The following RPTOR variants were observed in gnomAD, a reference collection of about 807,000 sequenced individuals.
RPTOR encodes the protein regulatory-associated protein of mTOR.
A neutral mutation model predicts 169.9 loss-of-function variants in RPTOR; 21 were observed. That is an observed-to-expected ratio of 0.12 (90% confidence interval 0.09 to 0.18). RPTOR has a LOEUF of 0.18. RPTOR is among the 10% of genes least tolerant of loss of function. RPTOR has a pLI of 1.00. For synonymous variants in RPTOR, 732 were observed against 753.2 expected (o/e 0.97, Z 0.46); for missense variants, 1,133 against 1,855.9 (o/e 0.61, Z 7.16).
rs1056279530 is a variant in RPTOR at position 80,947,495 on chromosome 17, G to A, written c.3265+144G>A. The A allele has an allele frequency of 3.6e-6, 4 of 1,124,758 alleles. No homozygotes were observed. The highest frequency in any genetic ancestry group is 1.6e-5 in the African/African-American group (1 of 61,774). 69.7% of individuals were successfully genotyped at this position (1,124,758 alleles called of 1,614,324 possible). On this transcript the variant is annotated intron_variant, in intron 27 of 33. Transcript: ENST00000306801. This position sits in a 1 kb window ranked among gnomAD's most constrained non-coding sequence, Gnocchi z 4.4. ...AGGGCCACTGTCATTCAGAAGTGGGGAGGTTTATGAGGGAAAGGGCTTCAG... is the reference window on the plus strand; with the variant it reads ...AGGGCCACTGTCATTCAGAAGTGGGAAGGTTTATGAGGGAAAGGGCTTCAG...
chr17:80,904,262 G>A (rs567239614), intron 20 of RPTOR, among the ~76,000 whole-genome samples: 129 of 152,298 alleles, frequency 8.5e-4, no homozygotes, highest in African/African-American at 2.8e-3. Flanking sequence ...GGAAGCCCTC[G>A]GCCTGGGGCA....
chr17:80,821,364 G>T (rs2067376406), intron 7 of RPTOR, among the ~76,000 whole-genome samples: 1 of 152,218 alleles, frequency 6.6e-6, no homozygotes, highest in South Asian at 2.1e-4. Context: ...TCCTGCAGTG[G>T]GAATTGCTGA....
At chr17:80,854,379 C>T (rs561228058) in intron 11 of RPTOR, among the ~76,000 whole-genome samples, 4 of 152,200 alleles carry the variant, frequency 2.6e-5, no homozygotes, top group Non-Finnish European at 4.4e-5. Context: ...AGAGTCACAC[C>T]GCAGTGAGCG....
intron 10 of RPTOR, among the ~76,000 whole-genome samples, chr17:80,838,749 C>T (rs2067593965): frequency 6.6e-6 from 1 of 152,170 alleles, no homozygotes; most frequent in African/African-American, 2.4e-5. Context: ...CCAGCATCCC[C>T]GCCTCCCGTT....
chr17:80,837,043 T>C (rs1222447056), intron 9 of RPTOR, among the ~76,000 whole-genome samples: 1 of 152,030 alleles, frequency 6.6e-6, no homozygotes, highest in Non-Finnish European at 1.5e-5. Flanking sequence ...AGTGCGGCCC[T>C]GAAGGACGGG....
chr17:80,694,881 T>C (rs1216755955), intron 3 of RPTOR, among the ~76,000 whole-genome samples: 2 of 152,168 alleles, frequency 1.3e-5, no homozygotes, highest in Non-Finnish European at 2.9e-5. Context: ...GAGTAACTCA[T>C]GGCCTGTTAG....
intron 4 of RPTOR, among the ~76,000 whole-genome samples, chr17:80,723,040 C>T (rs2066300220): frequency 1.3e-5 from 2 of 151,274 alleles, no homozygotes; most frequent in South Asian, 2.1e-4. Context: ...GATGTGTTCT[C>T]ATGATGAGAT....
Position 80,893,776 on chromosome 17 carries a change from G to T in RPTOR, c.2312G>T (p.Ser771Ile), listed in dbSNP as rs1163896758. Residue 771 changes from serine (S) to isoleucine (I), a missense_variant, in exon 20 of 34, where the codon AGC (serine) becomes ATC (isoleucine). Around this residue, in one of 9 missense-constraint regions of RPTOR, gnomAD observed 150 missense variants for 206.4 expected, o/e 0.73. Transcript: ENST00000306801. Reference sequence around the variant, plus strand: ...AGCAGCGCCAGCAGCACCCTGGGCAGCCCCGAGAATGAGGAGCATATCCTG... The same window carrying T: ...AGCAGCGCCAGCAGCACCCTGGGCATCCCCGAGAATGAGGAGCATATCCTG... Reference protein sequence around the residue: ...TSSSASSTLGSPENEEHILSF... With the variant: ...TSSSASSTLGIPENEEHILSF... The T allele has an allele frequency of 5.6e-6, 9 of 1,598,832 alleles. No individual in the cohort carries two copies. The highest frequency in any genetic ancestry group is 7.7e-6 in the Non-Finnish European group (9 of 1,172,604).
At chr17:80,913,011 TGCGTGTGTGTGCAC>T (rs886248908) in intron 21 of RPTOR, among the ~76,000 whole-genome samples, 2 of 152,174 alleles carry the variant, frequency 1.3e-5, no homozygotes, top group African/African-American at 4.8e-5. Flanking sequence ...TGTGTCTGTG[TGCGTGTGTGTGCAC>T]GCGTGTGTGT....
chr17:80,962,830 TGGTCTAGCCGGCCTGTCCCCGC>T (rs1220019370), intron 32 of RPTOR, 76 bp from the exon 33 acceptor site: 1 of 1,561,452 alleles, frequency 6.4e-7, no homozygotes, highest in South Asian at 1.2e-5. Flanking sequence ...CCTGTCCCCG[TGGTCTAGCCGGCCTGTCCCCGC>T]GGTCTCGGCA....
intron 1 of RPTOR, among the ~76,000 whole-genome samples, chr17:80,570,943 T>A (rs1048549164): frequency 1.3e-5 from 2 of 152,264 alleles, no homozygotes; most frequent in Non-Finnish European, 2.9e-5. Context: ...TCAGCTTTCA[T>A]GATCCCTAGA....
intron 2 of RPTOR, among the ~76,000 whole-genome samples, chr17:80,635,014 CT>C (rs1311353877): frequency 6.6e-6 from 1 of 152,214 alleles, no homozygotes. Flanking sequence ...ACATTCATGC[CT>C]CCTATTCCAC....
rs770422166 is a variant in RPTOR, at chr17:80,945,820, C to G, written c.3140+39C>G. The G allele has an allele frequency of 3.6e-5, 46 of 1,284,212 alleles. No homozygotes were observed. In the East Asian group the frequency reaches 9.6e-4, roughly 27 times the overall value. 79.6% of individuals were successfully genotyped at this position (1,284,212 alleles called of 1,614,324 possible). On this transcript the variant is annotated intron_variant, in intron 26 of 33. Coordinates refer to ENST00000306801, the MANE Select transcript of RPTOR (RefSeq NM_020761.3). ...TGGTCAGGCCTCCCTTCCGGCTGAC[C>G]GACAGCCCCAGCGATGCCCTGTTCT... is the stretch of plus-strand genomic sequence containing the variant.
chr17:80,782,128 T>A (rs1430132424), intron 6 of RPTOR, among the ~76,000 whole-genome samples: 2 of 152,194 alleles, frequency 1.3e-5, no homozygotes, highest in Non-Finnish European at 2.9e-5. Flanking sequence ...CTTCGGGGGT[T>A]GTCACTGAGT....
chr17:80,911,802 A>G (rs535927627), intron 21 of RPTOR, among the ~76,000 whole-genome samples: 1 of 152,292 alleles, frequency 6.6e-6, no homozygotes, highest in African/African-American at 2.4e-5. Flanking sequence ...AATGTTTAAA[A>G]ATATATGTTT....
At chr17:80,774,837 A>G (rs143063693) in intron 6 of RPTOR, among the ~76,000 whole-genome samples, 19 of 152,302 alleles carry the variant, frequency 1.2e-4, no homozygotes, top group South Asian at 2.1e-4. Context: ...CTGCGGACAC[A>G]GTGTCTGTCC....
At chr17:80,732,599 C>A (rs2066402031) in intron 5 of RPTOR, among the ~76,000 whole-genome samples, 1 of 152,190 alleles carries the variant, frequency 6.6e-6, no homozygotes, top group South Asian at 2.1e-4. Context: ...CAATGCGATA[C>A]CGTATGTCTT....
In RPTOR at chr17:80,947,108, T is replaced by G. The variant is rs983567591; in HGVS notation, c.3141-119T>G. 8 of 1,000,738 alleles carry G rather than the reference T, an allele frequency of 8.0e-6. No homozygotes were observed. The highest frequency in any genetic ancestry group is 1.1e-5 in the Non-Finnish European group (8 of 716,604). 62.0% of individuals were successfully genotyped at this position (1,000,738 alleles called of 1,614,324 possible). On this transcript the variant is annotated intron_variant, in intron 26 of 33. Transcript: ENST00000306801. This position sits in a 1 kb window ranked among gnomAD's most constrained non-coding sequence, Gnocchi z 4.4. ...CTAGGATGACAGGTGTGAGCCGCCG[T>G]GCCCGGCTGTGGTGTGTGGTTTTTT... is the stretch of plus-strand genomic sequence containing the variant.
chr17:80,766,067 T>TG (rs2066783957), intron 6 of RPTOR, among the ~76,000 whole-genome samples: 1 of 152,176 alleles, frequency 6.6e-6, no homozygotes, highest in South Asian at 2.1e-4. Context: ...CTTTTTAAAT[T>TG]TTTTTTAAGA....
Sources: gnomAD v4.1 joint callset for allele counts (sites outside exome capture counted in the v4.1 genomes callset) on GRCh38, gnomAD v4.1.1 for gene constraint, gnomAD v4.1.1 regional missense constraint, Gnocchi (gnomAD v3.1) non-coding constraint, MANE v1.5 for transcripts, NCBI Gene and HGNC (gene_info 2026-07-23, HGNC 2026-07-21) for gene names.